The following CA10 variants were observed in gnomAD, a reference collection of about 807,000 sequenced individuals.
CA10 encodes carbonic anhydrase-related protein 10.
A neutral mutation model predicts 44.2 loss-of-function variants in CA10; 14 were observed. That is an observed-to-expected ratio of 0.32 (90% CI 0.21 to 0.50). The LOEUF is 0.50. CA10 is among the 20% of genes least tolerant of loss of function. The pLI is 0.99. For synonymous variants in CA10, 159 were observed against 141.6 expected (o/e 1.12, Z -0.87); for missense variants, 350 against 409.7 (o/e 0.85, Z 1.26).
chr17:52,121,467 C>T (rs888666105), intron 1 of CA10, among the ~76,000 whole-genome samples: 5 of 152,134 alleles, frequency 3.3e-5, no homozygotes, highest in African/African-American at 1.2e-4. Context: ...GTATGTGCTG[C>T]AGAACAGAGT....
chr17:51,720,846 C>T (rs543650838), intron 4 of CA10, among the ~76,000 whole-genome samples: 1 of 128,410 alleles, frequency 7.8e-6, no homozygotes, highest in African/African-American at 2.8e-5. Flanking sequence ...TCTATGGTGA[C>T]CACAGTTAAT....
chr17:52,001,603 G>A (rs1478148527), intron 2 of CA10, among the ~76,000 whole-genome samples: 1 of 151,778 alleles, frequency 6.6e-6, no homozygotes, highest in Non-Finnish European at 1.5e-5. Context: ...TCCCTGTCAT[G>A]CCACGTAATC....
At chr17:52,155,666 G>T (rs1267354847) in intron 1 of CA10, among the ~76,000 whole-genome samples, 1 of 152,164 alleles carries the variant, frequency 6.6e-6, no homozygotes, top group African/African-American at 2.4e-5. Context: ...TTGCATCCCT[G>T]CCTAAATGTC....
At chr17:52,082,127 C>T (rs1987999833) in intron 1 of CA10, among the ~76,000 whole-genome samples, 1 of 152,208 alleles carries the variant, frequency 6.6e-6, no homozygotes, top group Non-Finnish European at 1.5e-5. Flanking sequence ...CGTAGGTACA[C>T]TGGCACAGTG....
intron 4 of CA10, among the ~76,000 whole-genome samples, chr17:51,739,142 T>G (rs558441997): frequency 6.6e-6 from 1 of 152,290 alleles, no homozygotes; most frequent in South Asian, 2.1e-4. Context: ...CATTGGCCAC[T>G]GATAGTATCA....
Position 51,780,708 on chromosome 17 carries a change from G to A in CA10, c.280-32890C>T, listed in dbSNP as rs567692279. Among the ~76,000 whole-genome samples, 7 of 152,302 alleles carry A rather than the reference G, an allele frequency of 4.6e-5. No homozygotes were observed. In the South Asian group the frequency reaches 1.2e-3, roughly 27 times the overall value. ...GTGACTAACTCCTCGAAAAATTAGGGACGTCTTCTCAGAGGGTATTGAGTC... is the reference window on the plus strand; with the variant it reads ...GTGACTAACTCCTCGAAAAATTAGGAACGTCTTCTCAGAGGGTATTGAGTC... On this transcript the variant is annotated intron_variant, in intron 3 of 8. Transcript: ENST00000451037.
At chr17:52,067,520 C>T (rs1460050860) in intron 2 of CA10, among the ~76,000 whole-genome samples, 1 of 152,240 alleles carries the variant, frequency 6.6e-6, no homozygotes, top group African/African-American at 2.4e-5. Context: ...CGAACTCCTA[C>T]AGAGTCCCCA....
chr17:51,895,919 T>C (rs541841133), intron 3 of CA10, among the ~76,000 whole-genome samples: 1 of 152,032 alleles, frequency 6.6e-6, no homozygotes, highest in Admixed American at 6.6e-5. Flanking sequence ...AATAAGAAAT[T>C]AAAGAATAAA....
At chr17:51,876,231 A>T (rs1980071819) in intron 3 of CA10, among the ~76,000 whole-genome samples, 2 of 128,308 alleles carry the variant, frequency 1.6e-5, no homozygotes, top group Middle Eastern at 6.3e-3. Flanking sequence ...CAGTGGCATG[A>T]TCTCAGCTCA....
chr17:51,717,656 C>CAT lies in CA10; in HGVS notation c.465+29976_465+29977insAT, dbSNP rs1442552331. Among the ~76,000 whole-genome samples the CAT allele has an allele frequency of 6.2e-4, 16 of 25,662 alleles. 3 individuals carry two copies. Among genetic ancestry groups the CAT allele is most frequent in the South Asian group, 1.3e-3 (1 of 752 alleles). The allele number at this position is 25,662 out of a possible 152,430, so 16.8% of individuals were successfully genotyped here. A position where few individuals can be genotyped will look rare whatever the true frequency, so the allele number is the denominator to read the frequency against. On this transcript the variant is annotated intron_variant, in intron 4 of 8. Coordinates refer to ENST00000451037, the MANE Select transcript of CA10 (RefSeq NM_020178.5). The stretch of plus-strand genomic sequence containing the variant: ...ATATGCATGTATATATACATATATA[C>CAT]GTATATATACATGTATATATGTATA...
chr17:51,924,777 C>A (rs1054848758), intron 3 of CA10, among the ~76,000 whole-genome samples: 28 of 152,292 alleles, frequency 1.8e-4, no homozygotes, highest in African/African-American at 6.7e-4. Context: ...CCTCTCCTCA[C>A]CCCTTCCAGA....
At chr17:51,776,765 C>T (rs1367203056) in intron 3 of CA10, among the ~76,000 whole-genome samples, 1 of 152,204 alleles carries the variant, frequency 6.6e-6, no homozygotes, top group Non-Finnish European at 1.5e-5. Flanking sequence ...CAGTTGTTTG[C>T]ACTAGCCCCA....
chr17:51,714,432 G>A (rs140257254), intron 4 of CA10, among the ~76,000 whole-genome samples: 95 of 152,254 alleles, frequency 6.2e-4, no homozygotes, highest in African/African-American at 2.1e-3. Context: ...TGTATAAAAA[G>A]GGCCAAGTAT....
In CA10 at chr17:52,120,442, ATCCTTATCCT is replaced by A. The variant is rs1276850946; in HGVS notation, c.61+37274_61+37283del. Among the ~76,000 whole-genome samples the A allele has an allele frequency of 1.9e-4, 29 of 151,346 alleles. No individual in the cohort carries two copies. The East Asian group carries it at 5.5e-3, about 28-fold the overall frequency. On this transcript the variant is annotated intron_variant, in intron 1 of 8. Coordinates refer to ENST00000451037, the MANE Select transcript of CA10 (RefSeq NM_020178.5). ...TATCCTTATCCTTATCCTTATCCTT[ATCCTTATCCT>A]TATCCTTATCCTTATCCTTATCCTT...
chr17:51,718,531 C>A (rs1180654055), intron 4 of CA10, among the ~76,000 whole-genome samples: 1 of 152,106 alleles, frequency 6.6e-6, no homozygotes, highest in African/African-American at 2.4e-5. Context: ...TACAGTTATT[C>A]CCCCCGGCTC....
At chr17:52,038,541 A>T (rs1179084827) in intron 2 of CA10, among the ~76,000 whole-genome samples, 2 of 152,202 alleles carry the variant, frequency 1.3e-5, no homozygotes, top group Non-Finnish European at 2.9e-5. Flanking sequence ...GAGACTTGGC[A>T]TCCATTAACT....
chr17:51,947,813 A>T lies in CA10; in HGVS notation c.137-16681T>A, dbSNP rs548283290. 3.9e-5 allele frequency among the ~76,000 whole-genome samples: 6 copies of T among 152,064 alleles called. No individual in the cohort carries two copies. In the South Asian group the frequency reaches 1.2e-3, roughly 32 times the overall value. ...TCAGTCTCTCTGAGCACTATCAAACACTTCTGCTTGCAAAGCCCTATAGAA... is the reference window on the plus strand; with the variant it reads ...TCAGTCTCTCTGAGCACTATCAAACTCTTCTGCTTGCAAAGCCCTATAGAA... On this transcript the variant is annotated intron_variant, in intron 2 of 8. Transcript: ENST00000451037.
chr17:51,670,130 C>T (rs374474226), intron 4 of CA10, among the ~76,000 whole-genome samples: 32 of 152,308 alleles, frequency 2.1e-4, no homozygotes, highest in East Asian at 1.9e-4. Flanking sequence ...CGTGGAACTG[C>T]GAGTCAATTA....
chr17:51,643,823 G>A (rs1278100094), intron 6 of CA10, among the ~76,000 whole-genome samples: 1 of 152,212 alleles, frequency 6.6e-6, no homozygotes, highest in African/African-American at 2.4e-5. Context: ...TTTACACCTA[G>A]TTTATACCAC....
Sources: allele counts gnomAD v4.1 joint callset (sites outside exome capture counted in the v4.1 genomes callset), GRCh38; gene constraint gnomAD v4.1.1; transcripts MANE v1.5; gene names NCBI Gene and HGNC (gene_info 2026-07-23, HGNC 2026-07-21).